The following DNAH17 variants were observed in gnomAD, a reference collection of about 807,000 sequenced individuals.
The protein encoded by DNAH17 is axonemal beta dynein heavy chain 17.
In DNAH17, 376 loss-of-function variants were observed where a neutral mutation model predicts 485.6. That is an observed-to-expected ratio of 0.77 (90% CI 0.71 to 0.84). The LOEUF is 0.84. Among genes scored for constraint, DNAH17 ranks in the 40% least tolerant of loss-of-function variants. DNAH17 has a pLI of 0.00. For missense variants in DNAH17, 6,370 were observed against 5,839.3 expected (o/e 1.09, Z -2.96); for synonymous variants, 3,031 against 2,405.9 (o/e 1.26, Z -7.60).
chr17:78,439,674 T>TTC (rs2146454087), intron 72 of DNAH17, among the ~76,000 whole-genome samples: 1 of 138,572 alleles, frequency 7.2e-6, no homozygotes, highest in East Asian at 2.0e-4. Context: ...ACTTTTTTTT[T>TTC]TTTTTTTTTT....
chr17:78,538,822 T>TC (rs2091447533), intron 18 of DNAH17, among the ~76,000 whole-genome samples: 1 of 152,170 alleles, frequency 6.6e-6, no homozygotes, highest in Non-Finnish European at 1.5e-5. Flanking sequence ...CCATCCACCC[T>TC]CCCTGGTCGG....
Position 78,558,165 on chromosome 17 carries a change from G to T in DNAH17, c.2121C>A (p.Asn707Lys), listed in dbSNP as rs201170230. The T allele has an allele frequency of 6.2e-7, 1 of 1,613,728 alleles. No homozygotes were observed. The highest frequency in any genetic ancestry group is 1.7e-5 in the Admixed American group (1 of 59,990). ...TGCCCACAAACTTCCGGAAAGTTTC[G>T]TTCTCTGAGAACAGACTCTCCGCAC... ...PDSAESLFSE[N>K]ETFRKFVGNL... is the part of the protein sequence containing the mutation. The change falls in exon 14 of 81, where the codon AAC (asparagine) becomes AAA (lysine). Residue 707 changes from asparagine to lysine, a missense_variant. Asn to Lys is a moderately conservative substitution (Grantham distance 94). Transcript: ENST00000389840.
At chr17:78,485,401 A>G in intron 47 of DNAH17, 149 bp downstream of exon 47, 1 of 784,112 alleles carries the variant, frequency 1.3e-6, no homozygotes, top group Admixed American at 2.7e-5. Context: ...TCTCCGACTC[A>G]GGAAGGAAAG....
chr17:78,543,823 G>A (rs376011072), intron 17 of DNAH17, 34 bp downstream of exon 17: 149 of 1,613,690 alleles, frequency 9.2e-5, no homozygotes, highest in East Asian at 7.8e-4. Context: ...AAAAGCAAGT[G>A]GGTTCTCAAA....
intron 16 of DNAH17, among the ~76,000 whole-genome samples, chr17:78,549,961 T>A (rs770101253): frequency 2.0e-5 from 3 of 151,980 alleles, no homozygotes; most frequent in South Asian, 2.1e-4. Flanking sequence ...GGAGGCTGGG[T>A]GAGCATTGCA....
intron 54 of DNAH17, among the ~76,000 whole-genome samples, chr17:78,469,247 T>C (rs1307468475): frequency 2.0e-5 from 3 of 152,210 alleles, no homozygotes; most frequent in African/African-American, 4.8e-5. Flanking sequence ...GTTCACGCCA[T>C]TCTCCTGCCT....
chr17:78,489,035 ATT>A (rs2089734921), intron 44 of DNAH17, among the ~76,000 whole-genome samples: 1 of 152,130 alleles, frequency 6.6e-6, no homozygotes, highest in Admixed American at 6.5e-5. Flanking sequence ...ATTAGTGGTC[ATT>A]GTTTCAGCAG....
At chr17:78,521,739 C>CA (rs2143200753) in intron 25 of DNAH17, among the ~76,000 whole-genome samples, 1 of 152,212 alleles carries the variant, frequency 6.6e-6, no homozygotes, top group South Asian at 2.1e-4. Flanking sequence ...GTAATCCTAG[C>CA]ACTTTGGGAG....
chr17:78,435,700 C>T (rs2086831558), intron 74 of DNAH17, among the ~76,000 whole-genome samples: 1 of 152,236 alleles, frequency 6.6e-6, no homozygotes, highest in African/African-American at 2.4e-5. Context: ...TTGTTGAGTG[C>T]CTCCTGGATT....
chr17:78,571,609 A>G lies in DNAH17; in HGVS notation c.713T>C (p.Leu238Pro), dbSNP rs771267703. Reference protein sequence around the residue: ...FEFWDTRLLNLKCIHEQLNRP... With the variant: ...FEFWDTRLLNPKCIHEQLNRP... ...CCGTACCTGTTCATGGATGCACTTG[A>G]GGTTCAGCAGCCGAGTGTCCCAGAA... is the stretch of plus-strand genomic sequence containing the variant. The change falls in exon 4 of 81, where the codon CTC becomes CCC. Residue 238 changes from leucine (L) to proline (P), a missense_variant. By Grantham distance (98) the Leu-to-Pro change is moderately conservative (BLOSUM62 -3). Transcript: ENST00000389840. 1 of 1,613,758 alleles carries G rather than the reference A, an allele frequency of 6.2e-7. No individual in the cohort carries two copies. Among genetic ancestry groups the G allele is most frequent in the Non-Finnish European group, 8.5e-7 (1 of 1,179,886 alleles).
intron 25 of DNAH17, 69 bp downstream of exon 25, chr17:78,524,940 C>G (rs1215688211): frequency 6.5e-6 from 10 of 1,543,944 alleles, no homozygotes; most frequent in Non-Finnish European, 7.9e-6. Context: ...CAGAGCCTGC[C>G]CTCTTGTTGC....
intron 22 of DNAH17, 151 bp downstream of exon 22, chr17:78,529,321 C>T (rs1455015311): frequency 6.5e-6 from 5 of 772,276 alleles, no homozygotes; most frequent in Non-Finnish European, 8.3e-6. Context: ...AACCTCCTCC[C>T]TGCACCTCCC....
At chr17:78,425,276 A>T in intron 80 of DNAH17, 70 bp downstream of exon 80, 1 of 1,431,898 alleles carries the variant, frequency 7.0e-7, no homozygotes, top group Non-Finnish European at 9.6e-7. Flanking sequence ...GCCAAGAGCT[A>T]GTTTTATCTT....
Position 78,424,103 on chromosome 17 carries a change from C to G in DNAH17, c.13192G>C (p.Glu4398Gln), listed in dbSNP as rs1050691662. The G allele has an allele frequency of 6.2e-7, 1 of 1,613,708 alleles. No individual in the cohort carries two copies. The highest frequency in any genetic ancestry group is 1.3e-5 in the African/African-American group (1 of 74,942). The stretch of plus-strand genomic sequence containing the variant: ...ATGACAGGCATGGCCGGGGTCAGCT[C>G]TTTCAGCCGCGCTTCAGCGATGACT... ...TGVIAEARLKELTPAMPVIFI... is the reference protein window; with the variant it reads ...TGVIAEARLKQLTPAMPVIFI... Residue 4398 changes from glutamate (E) to glutamine (Q), a missense_variant, in exon 81 of 81, where the codon GAG (glutamate) becomes CAG (glutamine). By Grantham distance (29) the Glu-to-Gln change is conservative. Transcript: ENST00000389840.
intron 75 of DNAH17, among the ~76,000 whole-genome samples, chr17:78,430,157 C>T (rs1407821440): frequency 6.6e-6 from 1 of 152,218 alleles, no homozygotes; most frequent in Non-Finnish European, 1.5e-5. Context: ...GGCCCTTGTT[C>T]TTCCCGCCTC....
At chr17:78,531,633 C>T (rs796861464) in intron 20 of DNAH17, among the ~76,000 whole-genome samples, 127 of 152,256 alleles carry the variant, frequency 8.3e-4, no homozygotes, top group African/African-American at 2.9e-3. Context: ...CCACCACGCC[C>T]GGCCGACATA....
At chr17:78,492,101 G>T (rs2089885410) in intron 42 of DNAH17, among the ~76,000 whole-genome samples, 1 of 152,128 alleles carries the variant, frequency 6.6e-6, no homozygotes, top group Admixed American at 6.6e-5. Context: ...GCGGGGGACA[G>T]GCTAGGCACA....
At chr17:78,427,665 T>G (rs2086523426) in intron 77 of DNAH17, among the ~76,000 whole-genome samples, 1 of 152,184 alleles carries the variant, frequency 6.6e-6, no homozygotes, top group South Asian at 2.1e-4. Flanking sequence ...TAATAGAGCC[T>G]TTCCACATTC....
chr17:78,468,032 AAGAGAGAG>A (rs56248373), intron 55 of DNAH17, among the ~76,000 whole-genome samples: 12 of 135,012 alleles, frequency 8.9e-5, no homozygotes, highest in East Asian at 2.2e-4. Flanking sequence ...AAAAAAAAAA[AAGAGAGAG>A]AGAGAGAGTA....
Sources: allele counts gnomAD v4.1 joint callset (sites outside exome capture counted in the v4.1 genomes callset), GRCh38; gene constraint gnomAD v4.1.1; transcripts MANE v1.5; gene names NCBI Gene and HGNC (gene_info 2026-07-23, HGNC 2026-07-21).